MTAP: variants seen among roughly 807,000 people sequenced by gnomAD.
The protein encoded by MTAP is methylthioadenosine phosphorylase, also known as S-methyl-5'-thioadenosine phosphorylase.
MTAP carries 33 observed loss-of-function variants against 33.6 expected under a neutral mutation model. The ratio of observed to expected loss-of-function variants is 0.98; its 90% CI spans 0.74 to 1.31. MTAP has a LOEUF of 1.31. Among genes scored for constraint, MTAP ranks in the 40% most tolerant of loss-of-function variants. The pLI, the probability that MTAP is intolerant of heterozygous loss-of-function variation, is 0.00. For synonymous variants in MTAP, 148 were observed against 125.7 expected, an observed-to-expected ratio of 1.18 and a Z score of -1.19; for missense variants, 367 against 360.0, an observed-to-expected ratio of 1.02 and a Z score of -0.16.
intron 1 of MTAP, among the ~76,000 whole-genome samples, chr9:21,882,577 TCAGA>T (rs948672932): frequency 4.5e-4 from 69 of 152,114 alleles, no homozygotes; most frequent in African/African-American, 8.2e-4. Context: ...AATTGATGTG[TCAGA>T]CAGAGAGCTT....
intron 1 of MTAP, chr9:21,930,839 A>G: frequency 3.0e-6 from 2 of 670,420 alleles, no homozygotes; most frequent in Non-Finnish European, 2.6e-6. Context: ...CCTCCAGCTT[A>G]CAAGAACAAG....
intron 4 of MTAP, among the ~76,000 whole-genome samples, chr9:21,822,844 G>A (rs747728924): frequency 2.0e-5 from 3 of 152,062 alleles, no homozygotes; most frequent in Admixed American, 6.6e-5. Context: ...TAGGATAGTT[G>A]GCTCTTCTTG....
chr9:21,814,043 C>A (rs933167921), intron 1 of MTAP, among the ~76,000 whole-genome samples: 1 of 152,164 alleles, frequency 6.6e-6, no homozygotes, highest in African/African-American at 2.4e-5. Context: ...TATACCTCCA[C>A]AAGATGGCGC....
At chr9:21,813,727 G>C (rs1005581764) in intron 1 of MTAP, 8 of 152,190 alleles carry the variant, frequency 5.3e-5, no homozygotes, top group Non-Finnish European at 1.0e-4. Context: ...AGCTGGCTGA[G>C]AGTAATTTCA....
At chr9:21,932,879 T>A (rs1345912012), downstream of MTAP, 1 of 152,084 alleles carries the variant, frequency 6.6e-6, no homozygotes, top group East Asian at 1.9e-4. Context: ...AATATCCTTC[T>A]TTCTACCCTC....
intron 1 of MTAP, chr9:21,893,759 A>G (rs1818237440): frequency 6.6e-6 from 1 of 152,080 alleles, no homozygotes; most frequent in Non-Finnish European, 1.5e-5. Flanking sequence ...AGTAACAAAA[A>G]CCTGTCAAAC....
intron 1 of MTAP, among the ~76,000 whole-genome samples, chr9:21,887,546 A>G (rs544309004): frequency 9.9e-5 from 15 of 152,242 alleles, no homozygotes; most frequent in Non-Finnish European, 2.1e-4. Context: ...AGTCTTTGCT[A>G]TTGTGAATAG....
intron 7 of MTAP, chr9:21,860,555 T>G (rs1282768045): frequency 6.6e-6 from 1 of 152,184 alleles, no homozygotes; most frequent in African/African-American, 2.4e-5. Flanking sequence ...CTTTCCCCCA[T>G]GAAGTGTTTT....
downstream of MTAP, chr9:21,931,287 A>G: frequency 1.7e-6 from 1 of 589,962 alleles, no homozygotes; most frequent in Non-Finnish European, 3.0e-6. Flanking sequence ...CCAGTTTCCC[A>G]AAGAATTGGG....
rs1239900648 is a variant in MTAP at position 21,922,433 on chromosome 9, C to G, written c.148-8575C>G. ...GCCCTCTTCCAAGTTACTTTACTTTCTTTCATTCCTGCTCTAAGAGTTTTT... is the reference window on the plus strand; with the variant it reads ...GCCCTCTTCCAAGTTACTTTACTTTGTTTCATTCCTGCTCTAAGAGTTTTT... On this transcript the variant is annotated intron_variant, in intron 1 of 1. Coordinates refer to the MTAP transcript ENST00000577563. This position sits in a 1 kb window ranked among gnomAD's most constrained non-coding sequence, Gnocchi z 4.8. Among the ~76,000 whole-genome samples the G allele has an allele frequency of 1.3e-5, 2 of 152,230 alleles. No homozygotes were observed. Among genetic ancestry groups the G allele is most frequent in the Non-Finnish European group, 2.9e-5 (2 of 68,012 alleles).
intron 5 of MTAP, among the ~76,000 whole-genome samples, chr9:21,851,047 A>G (rs541570341): frequency 2.0e-5 from 3 of 152,342 alleles, no homozygotes; most frequent in East Asian, 3.9e-4. Context: ...AAGAGTACAC[A>G]TGGAATACAG....
intron 1 of MTAP, among the ~76,000 whole-genome samples, chr9:21,918,073 CGGGCGCGGTGGCTCCGCCT>C (rs1818720336): frequency 8.6e-6 from 1 of 115,844 alleles, no homozygotes. Flanking sequence ...ATTAATGGGC[CGGGCGCGGTGGCTCCGCCT>C]GTAATCCCAG....
chr9:21,921,661 T>C lies in MTAP; in HGVS notation c.148-9347T>C, dbSNP rs1818789855. On this transcript the variant is annotated intron_variant, in intron 1 of 1. Coordinates refer to the MTAP transcript ENST00000577563. ...AGAGCCTTACAAGAGACTCAATAAA[T>C]CAAAATATGCCTCTCTTAAAGACTT... Among the ~76,000 whole-genome samples the C allele has an allele frequency of 2.0e-5, 3 of 152,086 alleles. No individual in the cohort carries two copies. In the South Asian group the frequency reaches 6.2e-4, roughly 32 times the overall value.
rs1020757334 is a variant in MTAP, at chr9:21,803,036, A to ACACACACACACACACACACG, written c.33+256_33+257insACACACACACACACACACGC. ...CACACACACACACACACACACACAC[A>ACACACACACACACACACACG]CCACCTTTTGGCTTATCTGCACCCG... On this transcript the variant is annotated intron_variant, in intron 1 of 7. Transcript: ENST00000644715. 1.1e-5 allele frequency: 11 copies of ACACACACACACACACACACG among 1,039,816 alleles called. No individual in the cohort carries two copies. In the African/African-American group the frequency reaches 1.6e-4, roughly 16 times the overall value. The allele number at this position is 1,039,816 out of a possible 1,614,324, so 64.4% of individuals were successfully genotyped here. A position where few individuals can be genotyped will look rare whatever the true frequency, so the allele number is the denominator to read the frequency against.
At chr9:21,911,858 G>A (rs1175611296) in intron 1 of MTAP, among the ~76,000 whole-genome samples, 1 of 151,986 alleles carries the variant, frequency 6.6e-6, no homozygotes, top group East Asian at 1.9e-4. Context: ...TTTTTGAAAA[G>A]ATCAACAAAA....
chr9:21,844,756 T>C (rs574689501), intron 5 of MTAP, among the ~76,000 whole-genome samples: 19 of 152,284 alleles, frequency 1.2e-4, no homozygotes, highest in South Asian at 6.2e-4. Context: ...ATCTATGGGC[T>C]GGGCACGGTG....
intron 1 of MTAP, among the ~76,000 whole-genome samples, chr9:21,883,536 C>T (rs1818052013): frequency 6.6e-6 from 1 of 151,748 alleles, no homozygotes; most frequent in Non-Finnish European, 1.5e-5. Flanking sequence ...AGATAGAAAC[C>T]CCACAATAGC....
downstream of MTAP, among the ~76,000 whole-genome samples, chr9:21,938,441 AAAAG>A (rs904017372): frequency 4.6e-5 from 7 of 152,000 alleles, no homozygotes; most frequent in African/African-American, 9.7e-5. Context: ...CTTGGAAAAA[AAAAG>A]AAAGAAAGAA....
chr9:21,900,900 G>A (rs1207662771), intron 1 of MTAP, among the ~76,000 whole-genome samples: 1 of 152,150 alleles, frequency 6.6e-6, no homozygotes, highest in Non-Finnish European at 1.5e-5. Flanking sequence ...ATTATCCTAA[G>A]TAAACTAACG....
Sources: gnomAD v4.1 joint callset for allele counts (sites outside exome capture counted in the v4.1 genomes callset) on GRCh38, gnomAD v4.1.1 for gene constraint, Gnocchi (gnomAD v3.1) non-coding constraint, MANE v1.5 for transcripts, NCBI Gene and HGNC (gene_info 2026-07-23, HGNC 2026-07-21) for gene names.